Variants in NELL1 observed in about 807,000 individuals in gnomAD.
The protein encoded by NELL1 is neural EGFL like 1.
A neutral mutation model predicts 107.4 loss-of-function variants in NELL1; 76 were observed. The observed-to-expected ratio is 0.71, with a 90% confidence interval of 0.59 to 0.86. The LOEUF is 0.86. NELL1 is among the 40% of genes least tolerant of loss of function. NELL1 has a pLI of 0.00. For synonymous variants in NELL1, 353 were observed against 341.2 expected (o/e 1.03, Z -0.38); for missense variants, 1,024 against 1,005.5 (o/e 1.02, Z -0.25).
At chr11:20,778,952 GT>G (rs920027935) in intron 2 of NELL1, among the ~76,000 whole-genome samples, 18 of 151,810 alleles carry the variant, frequency 1.2e-4, no homozygotes, top group Non-Finnish European at 2.4e-4. Flanking sequence ...CATATATTCT[GT>G]TTTTTTTCTC....
chr11:20,711,570 G>A (rs1007266057), intron 2 of NELL1, among the ~76,000 whole-genome samples: 1 of 151,998 alleles, frequency 6.6e-6, no homozygotes, highest in Non-Finnish European at 1.5e-5. Flanking sequence ...TGTAGTGCTG[G>A]CTTGGTACTG....
intron 14 of NELL1, among the ~76,000 whole-genome samples, chr11:21,289,819 G>A (rs1447638210): frequency 5.3e-5 from 8 of 152,262 alleles, no homozygotes; most frequent in Non-Finnish European, 4.4e-5. Context: ...AGGGGCATCC[G>A]CCATTACTGA....
chr11:20,768,074 T>C (rs1263799187), intron 2 of NELL1, among the ~76,000 whole-genome samples: 1 of 152,196 alleles, frequency 6.6e-6, no homozygotes, highest in Non-Finnish European at 1.5e-5. Context: ...CATGCAAAGA[T>C]AATATTATTA....
intron 12 of NELL1, among the ~76,000 whole-genome samples, chr11:21,110,524 C>T (rs1447807667): frequency 6.6e-6 from 1 of 152,114 alleles, no homozygotes; most frequent in Non-Finnish European, 1.5e-5. Context: ...GAGGCAGAGG[C>T]CTCTCAGCAG....
chr11:21,137,330 G>A (rs907233268), intron 13 of NELL1, among the ~76,000 whole-genome samples: 32 of 152,278 alleles, frequency 2.1e-4, no homozygotes, highest in African/African-American at 7.5e-4. Flanking sequence ...AAAATTAAGA[G>A]ATTATAAAAT....
chr11:21,477,670 A>G (rs1446418722), intron 15 of NELL1, among the ~76,000 whole-genome samples: 5 of 152,046 alleles, frequency 3.3e-5, no homozygotes, highest in African/African-American at 1.2e-4. Context: ...CATCAAGACT[A>G]TCCAGGAAAA....
intron 15 of NELL1, among the ~76,000 whole-genome samples, chr11:21,520,810 T>C (rs924554224): frequency 2.6e-5 from 4 of 152,222 alleles, no homozygotes; most frequent in African/African-American, 9.6e-5. Flanking sequence ...CAGATCTGTA[T>C]TCCCTGACCA....
In NELL1 at chr11:20,688,366, C is replaced by A. The variant is rs199896650; in HGVS notation, c.184+10306C>A. The stretch of plus-strand genomic sequence containing the variant: ...AGGATAGTACCCAGTGGTTTTTCAA[C>A]CCTTACCCATCAATATCTTCCCCCT... On this transcript the variant is annotated intron_variant, in intron 2 of 19. Transcript: ENST00000357134. Among the ~76,000 whole-genome samples, 1,405 of 152,164 alleles carry A rather than the reference C, an allele frequency of 9.2e-3. 20 individuals are homozygous for A. The highest frequency in any genetic ancestry group is 0.036 in the Admixed American group (543 of 15,272).
At chr11:21,567,865 T>G (rs1450766202) in intron 17 of NELL1, among the ~76,000 whole-genome samples, 2 of 151,782 alleles carry the variant, frequency 1.3e-5, no homozygotes, top group Non-Finnish European at 2.9e-5. Flanking sequence ...CAATATGAAA[T>G]GCAACAGAGA....
chr11:21,238,948 T>C (rs1858278834), intron 14 of NELL1, among the ~76,000 whole-genome samples: 1 of 152,120 alleles, frequency 6.6e-6, no homozygotes, highest in African/African-American at 2.4e-5. Context: ...CATAAGCTTA[T>C]TTCTCTAAAC....
chr11:21,440,949 T>G (rs1173682286), intron 15 of NELL1, among the ~76,000 whole-genome samples: 1 of 152,186 alleles, frequency 6.6e-6, no homozygotes, highest in East Asian at 1.9e-4. Context: ...CAACTACATT[T>G]ACCTGAGTAT....
intron 14 of NELL1, among the ~76,000 whole-genome samples, chr11:21,255,657 A>G (rs1439828452): frequency 6.6e-6 from 1 of 152,060 alleles, no homozygotes; most frequent in Non-Finnish European, 1.5e-5. Flanking sequence ...AACACAATTT[A>G]ATTATTGCAT....
chr11:21,255,453 T>A lies in NELL1; in HGVS notation c.1549+25999T>A, dbSNP rs139658528. On this transcript the variant is annotated intron_variant, in intron 14 of 19. Transcript: ENST00000357134. ...AACTCAGAACTTTCTTAGAAAAATATCTTGTGTGCACTAGCTTTGGAGGAA... is the reference window on the plus strand; with the variant it reads ...AACTCAGAACTTTCTTAGAAAAATAACTTGTGTGCACTAGCTTTGGAGGAA... Among the ~76,000 whole-genome samples, 1,204 of 152,138 alleles carry A rather than the reference T, an allele frequency of 7.9e-3. 16 individuals are homozygous for A. The highest frequency in any genetic ancestry group is 0.024 in the Middle Eastern group (7 of 294).
At chr11:21,518,156 G>A (rs1305667085) in intron 15 of NELL1, among the ~76,000 whole-genome samples, 6 of 150,082 alleles carry the variant, frequency 4.0e-5, no homozygotes, top group Admixed American at 1.3e-4. Context: ...AAAAAAAGGT[G>A]CTGATTTTCC....
chr11:20,971,528 A>G (rs926148514), intron 12 of NELL1, among the ~76,000 whole-genome samples: 1 of 152,104 alleles, frequency 6.6e-6, no homozygotes, highest in Non-Finnish European at 1.5e-5. Context: ...AATTGAACTC[A>G]CTCAGTTTTT....
intron 7 of NELL1, 69 bp from the exon 8 acceptor site, chr11:20,927,239 T>A (rs1850516837): frequency 4.2e-6 from 6 of 1,434,918 alleles, no homozygotes; most frequent in Admixed American, 4.9e-5. Context: ...TTTTTTCTTG[T>A]TGCTATTAGC....
intron 5 of NELL1, among the ~76,000 whole-genome samples, chr11:20,896,310 T>C (rs953378054): frequency 1.7e-4 from 26 of 152,214 alleles, no homozygotes; most frequent in Non-Finnish European, 3.1e-4. Flanking sequence ...TGAATGCCAT[T>C]ATTTCATTTC....
intron 15 of NELL1, among the ~76,000 whole-genome samples, chr11:21,473,540 T>A (rs1371998059): frequency 1.3e-5 from 2 of 152,066 alleles, no homozygotes. Flanking sequence ...ACAATTTCAA[T>A]GATGAGGGCA....
intron 15 of NELL1, among the ~76,000 whole-genome samples, chr11:21,509,992 G>A (rs1473370709): frequency 6.6e-6 from 1 of 152,114 alleles, no homozygotes. Flanking sequence ...TGTTAGGAGA[G>A]GCAGTAGGTG....
Sources: gnomAD v4.1 joint callset for allele counts (sites outside exome capture counted in the v4.1 genomes callset) on GRCh38, gnomAD v4.1.1 for gene constraint, MANE v1.5 for transcripts, NCBI Gene and HGNC (gene_info 2026-07-23, HGNC 2026-07-21) for gene names.